Variants in CORO2A observed in about 807,000 individuals in gnomAD.
The protein encoded by CORO2A is coronin 2A, also known as coronin-2A.
In CORO2A, 47 loss-of-function variants were observed where a neutral mutation model predicts 62.4. That is an observed-to-expected ratio of 0.75 (90% CI 0.60 to 0.96). The LOEUF (loss-of-function observed/expected upper bound fraction) is 0.96, where lower values mean the gene tolerates loss of function less well. CORO2A is among the 40% of genes least tolerant of loss of function. The pLI, the probability that CORO2A is intolerant of heterozygous loss-of-function variation, is 0.00. For missense variants in CORO2A, 610 were observed against 684.1 expected (o/e 0.89, Z 1.21); for synonymous variants, 273 against 268.9 (o/e 1.02, Z -0.15).
At chr9:98,140,695 T>C (rs547099489) in intron 2 of CORO2A, among the ~76,000 whole-genome samples, 1 of 152,266 alleles carries the variant, frequency 6.6e-6, no homozygotes, top group African/African-American at 2.4e-5. Flanking sequence ...TCTTCCCAAC[T>C]TGCCCTCCTA....
At chr9:98,125,709 ATTTT>A (rs993617176) in intron 11 of CORO2A, among the ~76,000 whole-genome samples, 4 of 89,584 alleles carry the variant, frequency 4.5e-5, no homozygotes, top group Non-Finnish European at 8.7e-5. Context: ...GTTTCCCACC[ATTTT>A]TTTTTTTTTT....
intron 1 of CORO2A, among the ~76,000 whole-genome samples, chr9:98,176,623 C>T (rs546394039): frequency 6.6e-6 from 1 of 152,134 alleles, no homozygotes; most frequent in Non-Finnish European, 1.5e-5. Context: ...TCTTGTGTGA[C>T]TTGGTTTCCC....
chr9:98,181,293 C>T (rs143675715), intron 1 of CORO2A, among the ~76,000 whole-genome samples: 153 of 150,694 alleles, frequency 1.0e-3, no homozygotes, highest in African/African-American at 3.6e-3. Flanking sequence ...CATCACTAAT[C>T]CCAGCCTCCT....
At chr9:98,143,921 T>A in intron 2 of CORO2A, among the ~76,000 whole-genome samples, 1 of 152,196 alleles carries the variant, frequency 6.6e-6, no homozygotes, top group East Asian at 1.9e-4. Flanking sequence ...TTTTAAATGC[T>A]TCTTGGCTGG....
chr9:98,163,943 T>G (rs1827925904), intron 1 of CORO2A, among the ~76,000 whole-genome samples: 2 of 152,158 alleles, frequency 1.3e-5, no homozygotes, highest in Non-Finnish European at 2.9e-5. Context: ...GTTTGTGGCT[T>G]TAAGGAAAGA....
At chr9:98,178,820 G>C (rs1197947389) in intron 1 of CORO2A, among the ~76,000 whole-genome samples, 12 of 152,342 alleles carry the variant, frequency 7.9e-5, no homozygotes, top group African/African-American at 2.4e-4. Context: ...GATAGAAGAT[G>C]AAGAGAGTCG....
chr9:98,133,320 G>T, intron 4 of CORO2A, 103 bp from the exon 5 acceptor site: 1 of 1,192,790 alleles, frequency 8.4e-7, no homozygotes, highest in Non-Finnish European at 1.2e-6. Context: ...TCCCTGGGAG[G>T]GTGGCGCAGC....
At chr9:98,183,241 T>C (rs1195201130) in intron 1 of CORO2A, among the ~76,000 whole-genome samples, 1 of 152,248 alleles carries the variant, frequency 6.6e-6, no homozygotes, top group Non-Finnish European at 1.5e-5. Flanking sequence ...GGTTCCACAG[T>C]TGGACAGTTT....
chr9:98,165,913 C>T (rs1827953129), intron 1 of CORO2A, among the ~76,000 whole-genome samples: 2 of 152,288 alleles, frequency 1.3e-5, no homozygotes, highest in South Asian at 4.1e-4. Flanking sequence ...TTAACCAGCC[C>T]CCCAGGTTCA....
intron 2 of CORO2A, among the ~76,000 whole-genome samples, chr9:98,153,248 C>T (rs1372537911): frequency 2.6e-5 from 4 of 151,802 alleles, no homozygotes; most frequent in African/African-American, 4.8e-5. Context: ...TACAGGCACC[C>T]GCTACCACAC....
chr9:98,130,336 C>A (rs1409193758), intron 7 of CORO2A, among the ~76,000 whole-genome samples: 5 of 152,192 alleles, frequency 3.3e-5, no homozygotes, highest in Non-Finnish European at 7.3e-5. Flanking sequence ...ATTCTCCCAC[C>A]TTGGCCTCCC....
Position 98,124,859 on chromosome 9 carries a change from C to A in CORO2A, c.1493G>T (p.Arg498Leu). The change falls in exon 12 of 12, where the codon CGG becomes CTG. Residue 498 changes from arginine to leucine, a missense_variant. By Grantham distance (102) the Arg-to-Leu change is moderately radical. Transcript: ENST00000375077. ...GACCTCTCGCTGGGTCAACAGCTCCCGGAGCCTTCGGATCTCCTCCTGTTG... is the reference window on the plus strand; with the variant it reads ...GACCTCTCGCTGGGTCAACAGCTCCAGGAGCCTTCGGATCTCCTCCTGTTG... ...YRQQEEIRRL[R>L]ELLTQREVQA... 1 of 1,589,394 alleles carries A rather than the reference C, an allele frequency of 6.3e-7. No individual in the cohort carries two copies.
In CORO2A at chr9:98,126,617, C is replaced by T. The variant is rs753553159; in HGVS notation, c.1378G>A (p.Glu460Lys). Residue 460 changes from glutamate (E) to lysine (K), a missense_variant, in exon 11 of 12, where the codon GAG (glutamate) becomes AAG (lysine). By Grantham distance (56) the Glu-to-Lys change is moderately conservative (BLOSUM62 1). Transcript: ENST00000375077. ...PRWAAEHRLE[E>K]KKTWLTNGFD... is the part of the protein sequence containing the mutation. ...CCATTTGTCAGCCAGGTTTTCTTCT[C>T]CTCCAGCCTGTGTTCTGCTGCCCAC... The T allele has an allele frequency of 1.9e-6, 3 of 1,614,192 alleles. No homozygotes were observed. The highest frequency in any genetic ancestry group is 2.5e-6 in the Non-Finnish European group (3 of 1,180,030).
intron 2 of CORO2A, among the ~76,000 whole-genome samples, chr9:98,150,911 C>G (rs1040315613): frequency 6.6e-6 from 1 of 152,156 alleles, no homozygotes. Flanking sequence ...GGTCACATGC[C>G]TCACCCCAGC....
chr9:98,137,504 C>T (rs1010446559), intron 3 of CORO2A, 68 bp downstream of exon 3: 10 of 1,292,448 alleles, frequency 7.7e-6, no homozygotes, highest in South Asian at 3.5e-5. Flanking sequence ...AGAACAGGTA[C>T]CATTCCACCC....
intron 1 of CORO2A, 64 bp from the exon 2 acceptor site, chr9:98,157,724 C>G (rs1827826295): frequency 1.4e-6 from 2 of 1,467,954 alleles, no homozygotes; most frequent in East Asian, 4.5e-5. Flanking sequence ...ACACACAGAG[C>G]TCTCATCTTA....
At chr9:98,159,006 G>A (rs575571202) in intron 1 of CORO2A, among the ~76,000 whole-genome samples, 61 of 151,966 alleles carry the variant, frequency 4.0e-4, no homozygotes, top group Non-Finnish European at 7.8e-4. Flanking sequence ...TTGGCCAGAC[G>A]GACCCTTCTG....
At chr9:98,140,952 C>T (rs996584007) in intron 2 of CORO2A, among the ~76,000 whole-genome samples, 1 of 152,102 alleles carries the variant, frequency 6.6e-6, no homozygotes, top group African/African-American at 2.4e-5. Context: ...ATTATCACAA[C>T]ATTAAACTTA....
At chr9:98,177,729 T>G (rs1828126935) in intron 1 of CORO2A, among the ~76,000 whole-genome samples, 1 of 150,096 alleles carries the variant, frequency 6.7e-6, no homozygotes, top group African/African-American at 2.5e-5. Flanking sequence ...TTTTTGATCA[T>G]TCACTCCTTC....
Sources: gnomAD v4.1 joint callset for allele counts (sites outside exome capture counted in the v4.1 genomes callset) on GRCh38, gnomAD v4.1.1 for gene constraint, MANE v1.5 for transcripts, NCBI Gene and HGNC (gene_info 2026-07-23, HGNC 2026-07-21) for gene names.